The following CHRM2 variants were observed in gnomAD, a reference collection of about 807,000 sequenced individuals.
The protein encoded by CHRM2 is cholinergic receptor muscarinic 2, also known as muscarinic acetylcholine receptor M2.
A neutral mutation model predicts 25.0 loss-of-function variants in CHRM2; 8 were observed. The observed-to-expected ratio is 0.32, with a 90% CI of 0.19 to 0.58. CHRM2 has a LOEUF of 0.58. Ranked by LOEUF, CHRM2 falls within the 20% of genes least tolerant of loss-of-function variation. The pLI is 0.88. For missense variants in CHRM2, 440 were observed against 567.1 expected (o/e 0.78, Z 2.28); for synonymous variants, 202 against 205.7 (o/e 0.98, Z 0.15).
intron 3 of CHRM2, among the ~76,000 whole-genome samples, chr7:136,994,780 T>G (rs1277534147): frequency 6.6e-6 from 1 of 151,866 alleles, no homozygotes; most frequent in Non-Finnish European, 1.5e-5. Context: ...AATTTAAAAG[T>G]AGCTTAAATT....
chr7:136,935,604 T>A (rs1166263857), intron 2 of CHRM2, among the ~76,000 whole-genome samples: 1 of 152,222 alleles, frequency 6.6e-6, no homozygotes, highest in Non-Finnish European at 1.5e-5. Flanking sequence ...ACATACTGTT[T>A]GATTAAGTGG....
intron 2 of CHRM2, among the ~76,000 whole-genome samples, chr7:136,896,156 G>C (rs566255681): frequency 1.3e-4 from 20 of 152,194 alleles, no homozygotes; most frequent in African/African-American, 4.8e-4. Context: ...TGTTCAGAGA[G>C]AGCATCCCAT....
At chr7:136,952,910 GTTC>G in intron 2 of CHRM2, among the ~76,000 whole-genome samples, 1 of 152,132 alleles carries the variant, frequency 6.6e-6, no homozygotes, top group East Asian at 1.9e-4. Flanking sequence ...ACATGATCTC[GTTC>G]TTTTTTATGG....
intron 3 of CHRM2, among the ~76,000 whole-genome samples, chr7:137,004,271 G>A (rs1804269087): frequency 6.6e-6 from 1 of 152,128 alleles, no homozygotes; most frequent in African/African-American, 2.4e-5. Context: ...AGTAGAGATG[G>A]GGGCAGAAAA....
chr7:136,912,557 T>C (rs1797898968), intron 2 of CHRM2, among the ~76,000 whole-genome samples: 1 of 151,794 alleles, frequency 6.6e-6, no homozygotes, highest in Non-Finnish European at 1.5e-5. Flanking sequence ...GAACAAGTCG[T>C]CAGGACATGT....
At chr7:136,985,519 A>C (rs893420926) in intron 2 of CHRM2, among the ~76,000 whole-genome samples, 27 of 151,686 alleles carry the variant, frequency 1.8e-4, no homozygotes, top group African/African-American at 4.1e-4. Flanking sequence ...AAAAAAAAAA[A>C]AAAAAAAAAC....
intron 2 of CHRM2, among the ~76,000 whole-genome samples, chr7:136,954,206 G>A (rs935056545): frequency 6.6e-6 from 1 of 152,076 alleles, no homozygotes; most frequent in Non-Finnish European, 1.5e-5. Context: ...ATATACATAT[G>A]CATATACCTA....
intron 2 of CHRM2, among the ~76,000 whole-genome samples, chr7:136,936,415 A>G (rs1236633302): frequency 2.0e-5 from 3 of 152,184 alleles, no homozygotes; most frequent in African/African-American, 7.2e-5. Context: ...GTCACAACAC[A>G]TTGTACTGTA....
chr7:136,917,570 C>T (rs916980157), intron 2 of CHRM2, among the ~76,000 whole-genome samples: 5 of 152,008 alleles, frequency 3.3e-5, no homozygotes, highest in Admixed American at 1.3e-4. Context: ...ACATTTACTA[C>T]TTTTTGCAAG....
In CHRM2 at chr7:136,968,442, TAC is replaced by T. The variant is rs534749969; in HGVS notation, c.-124-23743_-124-23742del. On this transcript the variant is annotated intron_variant, in intron 2 of 3. Coordinates refer to ENST00000680005, the MANE Select transcript of CHRM2 (RefSeq NM_001006630.2). ...TGCTGTTGGTGGGAGTGTAAATAAGTACAGTCACTCAAGAAAACAGTACGGAG... is the reference window on the plus strand; with the variant it reads ...TGCTGTTGGTGGGAGTGTAAATAAGTAGTCACTCAAGAAAACAGTACGGAG... Among the ~76,000 whole-genome samples the T allele has an allele frequency of 1.8e-4, 27 of 152,010 alleles. No individual in the cohort carries two copies. In the East Asian group the frequency reaches 5.2e-3, roughly 29 times the overall value.
At chr7:136,881,237 T>C (rs1447033126) in intron 2 of CHRM2, among the ~76,000 whole-genome samples, 1 of 151,238 alleles carries the variant, frequency 6.6e-6, no homozygotes, top group Non-Finnish European at 1.5e-5. Flanking sequence ...TGTAGTTTTT[T>C]AGAATGACTT....
At chr7:136,880,595 T>TATTGAAAA (rs1406762515) in intron 2 of CHRM2, among the ~76,000 whole-genome samples, 16 of 152,092 alleles carry the variant, frequency 1.1e-4, no homozygotes, top group African/African-American at 3.6e-4. Context: ...TATATATAAT[T>TATTGAAAA]ATTGAAAGAA....
intron 2 of CHRM2, among the ~76,000 whole-genome samples, chr7:136,970,558 G>A (rs1269274197): frequency 6.6e-6 from 1 of 152,058 alleles, no homozygotes; most frequent in African/African-American, 2.4e-5. Context: ...TGAATGTAGG[G>A]ACCATGTCTT....
chr7:137,005,156 A>G (rs944814037), intron 3 of CHRM2, among the ~76,000 whole-genome samples: 1 of 152,084 alleles, frequency 6.6e-6, no homozygotes, highest in Non-Finnish European at 1.5e-5. Context: ...TAGAAGAGTG[A>G]TGGTGTCCAT....
rs79646185 is a variant in CHRM2 at position 136,884,365 on chromosome 7, T to G, written c.-125+14947T>G. Among the ~76,000 whole-genome samples the G allele has an allele frequency of 2.6e-3, 400 of 152,334 alleles. 2 individuals are homozygous for G. The highest frequency in any genetic ancestry group is 4.5e-3 in the Non-Finnish European group (306 of 68,026). On this transcript the variant is annotated intron_variant, in intron 2 of 3. Transcript: ENST00000680005. The stretch of plus-strand genomic sequence containing the variant: ...GACAAATTAGAAAGCTGTATTTTGA[T>G]GTCATCTCTCCTAATTCTGTCAAAG...
chr7:136,917,229 C>T (rs1584752113), intron 2 of CHRM2, among the ~76,000 whole-genome samples: 2 of 151,440 alleles, frequency 1.3e-5, no homozygotes, highest in Non-Finnish European at 2.9e-5. Context: ...TCGCCGTCCT[C>T]TTTCCTTGCC....
intron 2 of CHRM2, among the ~76,000 whole-genome samples, chr7:136,953,399 T>C (rs1184423405): frequency 1.3e-5 from 2 of 152,120 alleles, no homozygotes; most frequent in Non-Finnish European, 2.9e-5. Context: ...ATTAAGTGTA[T>C]AGATAGATTT....
intron 2 of CHRM2, among the ~76,000 whole-genome samples, chr7:136,944,169 A>G (rs531561040): frequency 1.3e-5 from 2 of 152,146 alleles, no homozygotes; most frequent in South Asian, 4.2e-4. Flanking sequence ...GGTGATTTCT[A>G]AGATTTTGGT....
rs993462085 is a variant in CHRM2, at chr7:137,019,759, C to T, written c.*3493C>T. The T allele has an allele frequency of 3.2e-4, 49 of 151,948 alleles. No individual in the cohort carries two copies. The highest frequency in any genetic ancestry group is 9.4e-4 in the African/African-American group (39 of 41,514). 9.4% of individuals were successfully genotyped at this position (151,948 alleles called of 1,614,324 possible). On this transcript the variant is annotated 3_prime_UTR_variant, in exon 4 of 4. Transcript: ENST00000680005. ...GAGTAATCAATATGAGAAGCCACAA[C>T]GGGTAAGCTTTCTGATTTGAAATGT...
Sources: gnomAD v4.1 joint callset for allele counts (sites outside exome capture counted in the v4.1 genomes callset) on GRCh38, gnomAD v4.1.1 for gene constraint, MANE v1.5 for transcripts, NCBI Gene and HGNC (gene_info 2026-07-23, HGNC 2026-07-21) for gene names.